REV3L: variants seen among roughly 807,000 people sequenced by gnomAD.
The protein encoded by REV3L is DNA polymerase zeta catalytic subunit.
A neutral mutation model predicts 299.4 loss-of-function variants in REV3L; 69 were observed. The observed-to-expected ratio is 0.23, with a 90% CI of 0.19 to 0.28. REV3L has a LOEUF of 0.28. REV3L is among the 10% of genes least tolerant of loss of function. REV3L has a pLI of 1.00. For missense variants in REV3L, 3,128 were observed against 3,693.8 expected (o/e 0.85, Z 3.97); for synonymous variants, 1,238 against 1,271.4 (o/e 0.97, Z 0.56).
Position 111,327,571 on chromosome 6 carries a change from G to A in REV3L, c.8241+1961C>T, listed in dbSNP as rs750278516. On this transcript the variant is annotated intron_variant, in intron 25 of 31. Coordinates refer to ENST00000368802, the MANE Select transcript of REV3L (RefSeq NM_001372078.1). The stretch of plus-strand genomic sequence containing the variant: ...GCTGTTTCAAAAAAAAAAAAAAAAG[G>A]ATAGCTTTTGGTTTTACATTAGTAA... Among the ~76,000 whole-genome samples, 107 of 151,008 alleles carry A rather than the reference G, an allele frequency of 7.1e-4. 1 individual carries two copies. The highest frequency in any genetic ancestry group is 3.4e-3 in the Middle Eastern group (1 of 292).
chr6:111,422,585 TATATATATAC>T lies in REV3L; in HGVS notation c.140-6123_140-6114del, dbSNP rs1785511324. 5.9e-5 allele frequency among the ~76,000 whole-genome samples: 3 copies of T among 50,572 alleles called. 1 individual carries two copies. Among genetic ancestry groups the T allele is most frequent in the African/African-American group, 1.9e-4 (3 of 15,506 alleles). The allele number at this position is 50,572 out of a possible 152,430, so 33.2% of individuals were successfully genotyped here. A position where few individuals can be genotyped will look rare whatever the true frequency, so the allele number is the denominator to read the frequency against. The stretch of plus-strand genomic sequence containing the variant: ...TCTTTTATATATATATACACATATA[TATATATATAC>T]ACATATATATATATATACACATATA... On this transcript the variant is annotated intron_variant, in intron 1 of 31. Transcript: ENST00000368802.
intron 1 of REV3L, among the ~76,000 whole-genome samples, chr6:111,432,717 G>C (rs899085789): frequency 2.1e-4 from 32 of 152,114 alleles, no homozygotes; most frequent in Admixed American, 1.8e-3. Context: ...AACATTTATG[G>C]AACATTTTAC....
chr6:111,355,057 G>T (rs890349977), intron 18 of REV3L, among the ~76,000 whole-genome samples: 1 of 152,092 alleles, frequency 6.6e-6, no homozygotes, highest in Admixed American at 6.6e-5. Context: ...TAGGGAGACT[G>T]CGCAAAGTGA....
At chr6:111,359,529 A>AAG (rs1778432409) in intron 16 of REV3L, among the ~76,000 whole-genome samples, 1 of 150,432 alleles carries the variant, frequency 6.6e-6, no homozygotes, top group Non-Finnish European at 1.5e-5. Flanking sequence ...TGAAAAAAAA[A>AAG]AAAAAAAAAA....
intron 21 of REV3L, among the ~76,000 whole-genome samples, chr6:111,343,399 G>A (rs556905947): frequency 6.6e-6 from 1 of 152,308 alleles, no homozygotes; most frequent in African/African-American, 2.4e-5. Context: ...TAGATGATTA[G>A]GGATGGGTAG....
intron 25 of REV3L, 121 bp from the exon 26 acceptor site, chr6:111,322,799 A>G: frequency 1.4e-6 from 1 of 736,024 alleles, no homozygotes; most frequent in Non-Finnish European, 2.2e-6. Flanking sequence ...AAAAGAACGT[A>G]AAAAAGAAAT....
intron 4 of REV3L, among the ~76,000 whole-genome samples, chr6:111,403,836 T>A (rs953394273): frequency 6.6e-6 from 1 of 152,186 alleles, no homozygotes; most frequent in African/African-American, 2.4e-5. Context: ...AAGCTAGGTC[T>A]CTTGTGCCAG....
chr6:111,415,848 C>T (rs1421930424), intron 2 of REV3L, among the ~76,000 whole-genome samples: 1 of 152,122 alleles, frequency 6.6e-6, no homozygotes, highest in Non-Finnish European at 1.5e-5. Context: ...TTCCACACGA[C>T]TAATTATCAT....
At chr6:111,462,086 A>G (rs944244640) in intron 1 of REV3L, among the ~76,000 whole-genome samples, 8 of 152,158 alleles carry the variant, frequency 5.3e-5, no homozygotes, top group Non-Finnish European at 1.5e-5. Flanking sequence ...AAAACAAAAA[A>G]CAAAAACAGA....
chr6:111,466,246 TA>T (rs1175221700), intron 1 of REV3L, among the ~76,000 whole-genome samples: 4 of 152,204 alleles, frequency 2.6e-5, no homozygotes, highest in Admixed American at 2.0e-4. Flanking sequence ...AGCACTGTGA[TA>T]AAAGACTTAT....
intron 4 of REV3L, among the ~76,000 whole-genome samples, chr6:111,403,848 T>C (rs1414838491): frequency 6.6e-6 from 1 of 152,186 alleles, no homozygotes; most frequent in Non-Finnish European, 1.5e-5. Flanking sequence ...TTGTGCCAGT[T>C]AGCCAAGTAG....
At chr6:111,320,198 A>T (rs1312128483) in intron 26 of REV3L, among the ~76,000 whole-genome samples, 1 of 152,102 alleles carries the variant, frequency 6.6e-6, no homozygotes, top group Non-Finnish European at 1.5e-5. Flanking sequence ...CCTCCCAAGT[A>T]ACTGGGATTA....
intron 1 of REV3L, among the ~76,000 whole-genome samples, chr6:111,427,643 A>G (rs1286468342): frequency 6.6e-6 from 1 of 152,228 alleles, no homozygotes; most frequent in African/African-American, 2.4e-5. Flanking sequence ...GTCCAGCACC[A>G]AGCATGCAGA....
rs763048221 is a variant in REV3L, at chr6:111,300,175, T to C, written c.9253-19A>G. The C allele has an allele frequency of 1.9e-6, 3 of 1,544,886 alleles. No individual in the cohort carries two copies. In the East Asian group the frequency reaches 7.1e-5, roughly 36 times the overall value. ...TGCATATCTGAAAGCATAAGAGAAA[T>C]ACAAAAAATAATAGGAAAGTTTTTA... On this transcript the variant is annotated intron_variant, in intron 31 of 31. Transcript: ENST00000368802.
intron 1 of REV3L, among the ~76,000 whole-genome samples, chr6:111,437,560 T>G (rs902101393): frequency 2.0e-5 from 3 of 151,528 alleles, no homozygotes; most frequent in Non-Finnish European, 2.9e-5. Context: ...AGAGAAAAAT[T>G]TTAAATATTA....
chr6:111,321,163 T>C (rs1372669659), intron 26 of REV3L, among the ~76,000 whole-genome samples: 7 of 152,190 alleles, frequency 4.6e-5, no homozygotes, highest in Non-Finnish European at 1.0e-4. Flanking sequence ...AATTTGTTCT[T>C]AATAAGCATC....
At chr6:111,368,557 ACTCTAATTC>A (rs1409455704) in intron 13 of REV3L, among the ~76,000 whole-genome samples, 2 of 152,112 alleles carry the variant, frequency 1.3e-5, no homozygotes, top group Non-Finnish European at 2.9e-5. Context: ...GAGGTAAATT[ACTCTAATTC>A]TTTCTTCCCA....
chr6:111,360,423 TGGTATATA>T (rs1778528773), intron 16 of REV3L, among the ~76,000 whole-genome samples: 1 of 152,052 alleles, frequency 6.6e-6, no homozygotes, highest in Non-Finnish European at 1.5e-5. Context: ...TGAGTATTTT[TGGTATATA>T]TACTATTGCA....
intron 26 of REV3L, 182 bp from the exon 27 acceptor site, chr6:111,315,563 T>C (rs1259229892): frequency 5.2e-6 from 3 of 576,320 alleles, no homozygotes; most frequent in African/African-American, 1.9e-5. Flanking sequence ...TATGTACTTA[T>C]ATCTTGTTAC....
Sources: gnomAD v4.1 joint callset for allele counts (sites outside exome capture counted in the v4.1 genomes callset) on GRCh38, gnomAD v4.1.1 for gene constraint, MANE v1.5 for transcripts, NCBI Gene and HGNC (gene_info 2026-07-23, HGNC 2026-07-21) for gene names.